The following SLC8A1 variants were observed in gnomAD, a reference collection of about 807,000 sequenced individuals.
SLC8A1 encodes the protein solute carrier family 8 member A1.
A neutral mutation model predicts 68.3 loss-of-function variants in SLC8A1; 18 were observed. The observed-to-expected ratio is 0.26, with a 90% confidence interval of 0.18 to 0.39. The LOEUF is 0.39. Among genes scored for constraint, SLC8A1 ranks in the 10% least tolerant of loss-of-function variants. The probability of loss-of-function intolerance (pLI) is 1.00; values close to 1 mark genes in which losing one functional copy is unlikely to be tolerated. For synonymous variants in SLC8A1, 475 were observed against 415.5 expected, an observed-to-expected ratio of 1.14 and a Z score of -1.74; for missense variants, 985 against 1,156.7, an observed-to-expected ratio of 0.85 and a Z score of 2.15.
chr2:40,243,103 T>C (rs1313835719), intron 2 of SLC8A1, among the ~76,000 whole-genome samples: 2 of 152,234 alleles, frequency 1.3e-5, no homozygotes, highest in Non-Finnish European at 2.9e-5. Flanking sequence ...TTCATTGCCC[T>C]TAGTTTCTAC....
chr2:40,491,756 G>C (rs1004515566), intron 1 of SLC8A1, among the ~76,000 whole-genome samples: 1 of 151,858 alleles, frequency 6.6e-6, no homozygotes, highest in African/African-American at 2.4e-5. Context: ...TTTTGTCTTT[G>C]GTTCTGTTTA....
chr2:40,345,523 G>A (rs535458884), intron 2 of SLC8A1, among the ~76,000 whole-genome samples: 2 of 151,858 alleles, frequency 1.3e-5, no homozygotes, highest in African/African-American at 4.8e-5. Flanking sequence ...AGATGGACAG[G>A]GCCACTGATT....
At chr2:40,133,033 T>C (rs1340485246) in intron 7 of SLC8A1, among the ~76,000 whole-genome samples, 1 of 152,214 alleles carries the variant, frequency 6.6e-6, no homozygotes, top group African/African-American at 2.4e-5. Context: ...AGTTGATACA[T>C]TCTCTGAGAT....
At chr2:40,103,455 A>AT (rs2034017778) in exon 8 of SLC8A1, 1 of 151,988 alleles carries the variant, frequency 6.6e-6, no homozygotes, top group Admixed American at 6.6e-5. Flanking sequence ...TAGCAGATGA[A>AT]TTTTTTCTCA....
chr2:40,335,215 T>C (rs1414094657), intron 2 of SLC8A1, among the ~76,000 whole-genome samples: 1 of 152,234 alleles, frequency 6.6e-6, no homozygotes, highest in Non-Finnish European at 1.5e-5. Flanking sequence ...CTTTCTTTTC[T>C]ATCATTTTAG....
chr2:40,313,796 G>A (rs1046668166), intron 2 of SLC8A1, among the ~76,000 whole-genome samples: 3 of 151,972 alleles, frequency 2.0e-5, no homozygotes, highest in Non-Finnish European at 4.4e-5. Context: ...ATGATGTTGA[G>A]CATATTTCCA....
chr2:40,403,969 C>CTT (rs1689545823), intron 2 of SLC8A1, among the ~76,000 whole-genome samples: 1 of 152,124 alleles, frequency 6.6e-6, no homozygotes, highest in Non-Finnish European at 1.5e-5. Flanking sequence ...TGTAACTTTT[C>CTT]ATTAACTTAG....
intron 1 of SLC8A1, among the ~76,000 whole-genome samples, chr2:40,437,142 C>T (rs1699587684): frequency 6.6e-6 from 1 of 152,166 alleles, no homozygotes; most frequent in African/African-American, 2.4e-5. Flanking sequence ...AGTGACAGAA[C>T]TAGAATTTTA....
chr2:40,122,828 A>G (rs117282869), intron 7 of SLC8A1, among the ~76,000 whole-genome samples: 1 of 152,060 alleles, frequency 6.6e-6, no homozygotes, highest in East Asian at 1.9e-4. Context: ...AAAATTAGCT[A>G]TTTTTCATTT....
At chr2:40,365,821 T>C (rs1471483759) in intron 2 of SLC8A1, among the ~76,000 whole-genome samples, 1 of 151,832 alleles carries the variant, frequency 6.6e-6, no homozygotes, top group Admixed American at 6.6e-5. Flanking sequence ...GGCAATACGG[T>C]AAGATCTCAC....
chr2:40,130,018 C>T (rs1183251560), intron 7 of SLC8A1, among the ~76,000 whole-genome samples: 1 of 152,174 alleles, frequency 6.6e-6, no homozygotes, highest in Admixed American at 6.5e-5. Flanking sequence ...TGTTATCATC[C>T]TGATTCCCCT....
At chr2:40,494,759 A>G (rs1270510318) in intron 1 of SLC8A1, among the ~76,000 whole-genome samples, 2 of 146,718 alleles carry the variant, frequency 1.4e-5, no homozygotes, top group African/African-American at 5.1e-5. Context: ...ATCATTCATT[A>G]ATGGATGTAA....
intron 2 of SLC8A1, among the ~76,000 whole-genome samples, chr2:40,263,566 G>T (rs28380530): frequency 0.06 from 9,180 of 152,146 alleles, 321 homozygotes; most frequent in Non-Finnish European, 0.071. Flanking sequence ...ACAACCATCT[G>T]ATCTTTGACA....
chr2:40,370,875 G>C (rs961074410), intron 2 of SLC8A1, among the ~76,000 whole-genome samples: 2 of 152,078 alleles, frequency 1.3e-5, no homozygotes, highest in Non-Finnish European at 2.9e-5. Context: ...TGGAGACACT[G>C]AGAAAGTAAA....
intron 7 of SLC8A1, among the ~76,000 whole-genome samples, chr2:40,136,599 C>T (rs531750179): frequency 2.6e-5 from 4 of 152,174 alleles, no homozygotes; most frequent in Admixed American, 6.5e-5. Context: ...CTAGAGAAAA[C>T]GCTGGGCCCC....
chr2:40,143,685 G>C (rs1270440785), intron 6 of SLC8A1, among the ~76,000 whole-genome samples: 1 of 152,158 alleles, frequency 6.6e-6, no homozygotes, highest in African/African-American at 2.4e-5. Flanking sequence ...AACAGTACTT[G>C]GACCGTTCCT....
intron 2 of SLC8A1, among the ~76,000 whole-genome samples, chr2:40,420,779 C>T (rs1248257018): frequency 6.6e-6 from 1 of 152,142 alleles, no homozygotes; most frequent in East Asian, 1.9e-4. Flanking sequence ...CACTGCACCA[C>T]AGCCTGATAC....
chr2:40,506,662 G>A (rs1706390793), intron 1 of SLC8A1, among the ~76,000 whole-genome samples: 1 of 149,852 alleles, frequency 6.7e-6, no homozygotes, highest in African/African-American at 2.5e-5. Flanking sequence ...GGACCTGAAG[G>A]AATTCAATTT....
At chr2:40,437,987 T>G (rs968005844) in intron 1 of SLC8A1, among the ~76,000 whole-genome samples, 9 of 151,922 alleles carry the variant, frequency 5.9e-5, no homozygotes, top group African/African-American at 2.2e-4. Flanking sequence ...TTCCTGGCAT[T>G]TGAACATTGA....
Sources: allele counts gnomAD v4.1 joint callset (sites outside exome capture counted in the v4.1 genomes callset), GRCh38; gene constraint gnomAD v4.1.1; transcripts MANE v1.5; gene names NCBI Gene and HGNC (gene_info 2026-07-23, HGNC 2026-07-21).